Variants in TLE1 observed in about 807,000 individuals in gnomAD.
TLE1 encodes the protein transducin-like enhancer protein 1.
In TLE1, 21 loss-of-function variants were observed where a neutral mutation model predicts 89.8. That is an observed-to-expected ratio of 0.23 (90% CI 0.17 to 0.34). The LOEUF (loss-of-function observed/expected upper bound fraction) is 0.34. Ranked by LOEUF, TLE1 falls within the 10% of genes least tolerant of loss-of-function variation. The pLI is 1.00. For synonymous variants in TLE1, 447 were observed against 407.6 expected, an observed-to-expected ratio of 1.10 and a Z score of -1.16; for missense variants, 795 against 1,031.2, an observed-to-expected ratio of 0.77 and a Z score of 3.14.
intron 6 of TLE1, among the ~76,000 whole-genome samples, chr9:81,640,647 CA>C (rs1420428912): frequency 3.9e-5 from 6 of 152,212 alleles, no homozygotes; most frequent in Admixed American, 3.9e-4. Context: ...TCATCCATGT[CA>C]AACAACAGCC....
chr9:81,643,626 C>T (rs1163109000), intron 6 of TLE1, among the ~76,000 whole-genome samples: 1 of 152,052 alleles, frequency 6.6e-6, no homozygotes, highest in Admixed American at 6.6e-5. Flanking sequence ...CCTTGAAGTC[C>T]CAGACTCAAG....
In TLE1 at chr9:81,648,822, A is replaced by G. The variant is rs977118421; in HGVS notation, c.372+3392T>C. Among the ~76,000 whole-genome samples the G allele has an allele frequency of 4.7e-5, 7 of 148,242 alleles. No individual in the cohort carries two copies. In the Admixed American group the frequency reaches 4.9e-4, roughly 10 times the overall value. On this transcript the variant is annotated intron_variant, in intron 6 of 19. Coordinates refer to ENST00000376499, the MANE Select transcript of TLE1 (RefSeq NM_005077.5). Reference sequence around the variant, plus strand: ...TTAATAGAAATTTTAAAAAACAAACAAAAATGTTGCTTATGGTGTAAAAAC... The same window carrying G: ...TTAATAGAAATTTTAAAAAACAAACGAAAATGTTGCTTATGGTGTAAAAAC...
intron 13 of TLE1, among the ~76,000 whole-genome samples, chr9:81,610,767 A>T (rs556304763): frequency 4.5e-4 from 51 of 113,706 alleles, no homozygotes; most frequent in Middle Eastern, 6.5e-3. Flanking sequence ...CCCAGTTATG[A>T]TAATCAAAAG....
rs2131707454 is a variant in TLE1 at position 81,583,994 on chromosome 9, G to C, written c.*204C>G. ...GCCCCTCTGTCCGCTTGGCCTTGGT[G>C]CTCCATTTGGTCTATGTAGACAGGT... is the stretch of plus-strand genomic sequence containing the variant. On this transcript the variant is annotated 3_prime_UTR_variant, in exon 20 of 20. Transcript: ENST00000376499. The C allele has an allele frequency of 1.8e-6, 1 of 560,088 alleles. No individual in the cohort carries two copies. Among genetic ancestry groups the C allele is most frequent in the East Asian group, 2.9e-5 (1 of 34,352 alleles). The allele number at this position is 560,088 out of a possible 1,614,324, so 34.7% of individuals were successfully genotyped here.
intron 14 of TLE1, among the ~76,000 whole-genome samples, chr9:81,602,295 A>AG (rs1156551186): frequency 6.6e-6 from 1 of 152,168 alleles, no homozygotes; most frequent in Non-Finnish European, 1.5e-5. Context: ...GGGGCCTTGA[A>AG]GGGCACGTCG....
chr9:81,656,284 G>T (rs1285826804), intron 4 of TLE1, among the ~76,000 whole-genome samples: 1 of 152,148 alleles, frequency 6.6e-6, no homozygotes, highest in Non-Finnish European at 1.5e-5. Flanking sequence ...TTGCAACAGG[G>T]TTCTGCACTG....
At chr9:81,681,322 G>C (rs2133112599) in intron 4 of TLE1, among the ~76,000 whole-genome samples, 1 of 152,226 alleles carries the variant, frequency 6.6e-6, no homozygotes, top group East Asian at 1.9e-4. Context: ...AGCCGAGGCG[G>C]GGGGAATCAC....
At chr9:81,673,026 A>G (rs1406054145) in intron 4 of TLE1, among the ~76,000 whole-genome samples, 1 of 151,848 alleles carries the variant, frequency 6.6e-6, no homozygotes, top group Admixed American at 6.6e-5. Flanking sequence ...TAATCCCAGC[A>G]CTTTGGGAGG....
chr9:81,615,950 C>G (rs200131732), intron 11 of TLE1, 32 bp downstream of exon 11: 21 of 1,611,782 alleles, frequency 1.3e-5, no homozygotes, highest in Non-Finnish European at 1.8e-5. Context: ...AATACACTGC[C>G]AAACAGGCAA....
chr9:81,688,089 T>G (rs1375340058), intron 1 of TLE1, 128 bp downstream of exon 1: 1 of 1,235,878 alleles, frequency 8.1e-7, no homozygotes, highest in Non-Finnish European at 1.1e-6. Flanking sequence ...GCCCCAGACC[T>G]CCCCAGCCTT....
At chr9:81,631,768 G>A (rs1826643178) in intron 8 of TLE1, among the ~76,000 whole-genome samples, 1 of 152,182 alleles carries the variant, frequency 6.6e-6, no homozygotes, top group Non-Finnish European at 1.5e-5. Flanking sequence ...TTCATCCAGG[G>A]TTAGGTTTTT....
intron 8 of TLE1, among the ~76,000 whole-genome samples, chr9:81,622,910 C>G (rs1825457735): frequency 6.6e-6 from 1 of 152,184 alleles, no homozygotes; most frequent in African/African-American, 2.4e-5. Flanking sequence ...GGACGCCCGG[C>G]AGGCTTTCCA....
chr9:81,606,342 T>C (rs934778351), intron 14 of TLE1, among the ~76,000 whole-genome samples: 4 of 152,204 alleles, frequency 2.6e-5, no homozygotes, highest in Non-Finnish European at 4.4e-5. Context: ...TGTAGCACTA[T>C]TCAAAACAGC....
chr9:81,623,350 A>C (rs112851600), intron 8 of TLE1, among the ~76,000 whole-genome samples: 1 of 152,176 alleles, frequency 6.6e-6, no homozygotes, highest in African/African-American at 2.4e-5. Context: ...GGTATTGACT[A>C]AATTGTCATT....
intron 4 of TLE1, among the ~76,000 whole-genome samples, chr9:81,666,808 T>TAAATAAATAAATAAATAAATAAAA: frequency 7.5e-6 from 1 of 133,070 alleles, no homozygotes; most frequent in Non-Finnish European, 1.7e-5. Context: ...AATAAATAAA[T>TAAATAAATAAATAAATAAATAAAA]AAAATAAAAT....
intron 6 of TLE1, among the ~76,000 whole-genome samples, chr9:81,646,154 T>G (rs556499398): frequency 3.9e-5 from 6 of 152,234 alleles, no homozygotes; most frequent in African/African-American, 1.2e-4. Flanking sequence ...AAGAAATATG[T>G]GGGGAAATTA....
At chr9:81,599,055 C>T (rs993127033) in intron 14 of TLE1, among the ~76,000 whole-genome samples, 1 of 152,134 alleles carries the variant, frequency 6.6e-6, no homozygotes, top group African/African-American at 2.4e-5. Context: ...TACAATGTGC[C>T]CTGACAAAAC....
chr9:81,611,148 A>T (rs1251725848), intron 13 of TLE1, among the ~76,000 whole-genome samples: 1 of 152,152 alleles, frequency 6.6e-6, no homozygotes, highest in Non-Finnish European at 1.5e-5. Context: ...CTACCCTTCA[A>T]ATGCAGTTTT....
At chr9:81,629,337 T>A (rs1478923825) in intron 8 of TLE1, among the ~76,000 whole-genome samples, 1 of 152,204 alleles carries the variant, frequency 6.6e-6, no homozygotes, top group Non-Finnish European at 1.5e-5. Flanking sequence ...TTTTTATTAC[T>A]ACTGAATGCT....
Sources: gnomAD v4.1 joint callset for allele counts (sites outside exome capture counted in the v4.1 genomes callset) on GRCh38, gnomAD v4.1.1 for gene constraint, MANE v1.5 for transcripts, NCBI Gene and HGNC (gene_info 2026-07-23, HGNC 2026-07-21) for gene names.